The following EVA1A variants were observed in gnomAD, a reference collection of about 807,000 sequenced individuals.
EVA1A encodes protein eva-1 homolog A.
EVA1A carries 7 observed loss-of-function variants against 9.8 expected under a neutral mutation model. That is an observed-to-expected ratio of 0.71 (90% CI 0.41 to 1.34). The LOEUF (loss-of-function observed/expected upper bound fraction) is 1.34, where lower values mean the gene tolerates loss of function less well. Ranked by LOEUF, EVA1A falls within the 40% of genes most tolerant of loss-of-function variation. EVA1A has a pLI of 0.01. For synonymous variants in EVA1A, 90 were observed against 85.6 expected, an observed-to-expected ratio of 1.05 and a Z score of -0.28; for missense variants, 206 against 205.9, an observed-to-expected ratio of 1.00 and a Z score of 0.00.
chr2:75,556,917 C>A (rs1284880564), intron 1 of EVA1A, among the ~76,000 whole-genome samples: 2 of 152,186 alleles, frequency 1.3e-5, no homozygotes, highest in Non-Finnish European at 2.9e-5. Context: ...GGCCAGGGAC[C>A]AGCCAAGGGG....
intron 1 of EVA1A, among the ~76,000 whole-genome samples, chr2:75,533,957 G>A (rs1440830595): frequency 3.3e-5 from 5 of 151,694 alleles, no homozygotes; most frequent in Admixed American, 6.6e-5. Flanking sequence ...GACTACAGGC[G>A]CCCGCCACCA....
chr2:75,493,903 CG>C (rs1674115142), intron 3 of EVA1A, among the ~76,000 whole-genome samples: 1 of 152,214 alleles, frequency 6.6e-6, no homozygotes, highest in South Asian at 2.1e-4. Context: ...ACCTACTGTA[CG>C]CAAGCAGCCG....
In EVA1A at chr2:75,492,899, A is replaced by C; in HGVS notation, c.*337T>G. 3.5e-6 allele frequency: 1 copy of C among 282,410 alleles called. No homozygotes were observed. Among genetic ancestry groups the C allele is most frequent in the Non-Finnish European group, 6.6e-6 (1 of 150,822 alleles). 17.5% of individuals were successfully genotyped at this position (282,410 alleles called of 1,614,324 possible). On this transcript the variant is annotated 3_prime_UTR_variant, in exon 4 of 4. Coordinates refer to ENST00000393913, the MANE Select transcript of EVA1A (RefSeq NM_001135032.2). ...TAATGATCTTTCCTTTTGCAAAGGA[A>C]TAACACAGAGCAAGGAAGTCTGCTG...
At chr2:75,541,649 G>C (rs1171563942) in intron 1 of EVA1A, 1 of 152,770 alleles carries the variant, frequency 6.5e-6, no homozygotes, top group East Asian at 1.9e-4. Flanking sequence ...TGGGGGAGGA[G>C]TCTCCACTTG....
intron 1 of EVA1A, among the ~76,000 whole-genome samples, chr2:75,532,379 A>C (rs1048786983): frequency 6.6e-6 from 1 of 152,154 alleles, no homozygotes; most frequent in Non-Finnish European, 1.5e-5. Flanking sequence ...TCTGGTAATT[A>C]AAAGAAAAGG....
At chr2:75,557,386 AC>A (rs1300612131) in intron 1 of EVA1A, among the ~76,000 whole-genome samples, 2 of 152,180 alleles carry the variant, frequency 1.3e-5, no homozygotes, top group East Asian at 1.9e-4. Flanking sequence ...CTTCTCCAAC[AC>A]CCCATATGGG....
chr2:75,540,561 A>G (rs11900698), intron 1 of EVA1A, among the ~76,000 whole-genome samples: 21,987 of 152,248 alleles, frequency 0.14, 1,677 homozygotes, highest in African/African-American at 0.18. Context: ...ACACTGGGGT[A>G]AGCTTGCACA....
chr2:75,541,558 C>A (rs1676119054), intron 1 of EVA1A, among the ~76,000 whole-genome samples: 1 of 152,148 alleles, frequency 6.6e-6, no homozygotes, highest in South Asian at 2.1e-4. Context: ...GTCTGGGCAT[C>A]AAGGTGGGCT....
At chr2:75,515,319 G>C (rs1334793703) in intron 3 of EVA1A, among the ~76,000 whole-genome samples, 1 of 152,210 alleles carries the variant, frequency 6.6e-6, no homozygotes, top group Non-Finnish European at 1.5e-5. Context: ...TTGTTGTGAA[G>C]AATGGGCACA....
chr2:75,528,828 G>T (rs1359467224), intron 1 of EVA1A, among the ~76,000 whole-genome samples: 1 of 152,160 alleles, frequency 6.6e-6, no homozygotes, highest in African/African-American at 2.4e-5. Context: ...TCTCTTGAAA[G>T]CTCCTGGCTG....
chr2:75,548,748 C>T (rs566494527), intron 1 of EVA1A, among the ~76,000 whole-genome samples: 1 of 152,126 alleles, frequency 6.6e-6, no homozygotes, highest in South Asian at 2.1e-4. Flanking sequence ...CTAAACCTCT[C>T]TCATTCCCTC....
chr2:75,498,816 T>TA (rs1491286690), intron 3 of EVA1A, among the ~76,000 whole-genome samples: 1 of 140,432 alleles, frequency 7.1e-6, no homozygotes, highest in East Asian at 2.0e-4. Context: ...TTTTTTTTTT[T>TA]AAAAAGATGG....
At chr2:75,514,189 C>G (rs952542219) in intron 3 of EVA1A, among the ~76,000 whole-genome samples, 1 of 152,084 alleles carries the variant, frequency 6.6e-6, no homozygotes, top group African/African-American at 2.4e-5. Context: ...AAAGTGGACG[C>G]CATACATTTT....
At chr2:75,498,957 A>T (rs1440530055) in intron 3 of EVA1A, among the ~76,000 whole-genome samples, 1 of 152,146 alleles carries the variant, frequency 6.6e-6, no homozygotes, top group Non-Finnish European at 1.5e-5. Context: ...CAGCCCATGA[A>T]CTCCACACCA....
intron 1 of EVA1A, among the ~76,000 whole-genome samples, chr2:75,557,531 T>G (rs1676758616): frequency 6.6e-6 from 1 of 152,224 alleles, no homozygotes; most frequent in African/African-American, 2.4e-5. Flanking sequence ...CATCCATCCC[T>G]CATGCATCAA....
chr2:75,553,417 G>A (rs1010130585), intron 1 of EVA1A, among the ~76,000 whole-genome samples: 1 of 152,240 alleles, frequency 6.6e-6, no homozygotes, highest in African/African-American at 2.4e-5. Flanking sequence ...AGAACTTACT[G>A]TAATGAGAGA....
chr2:75,542,878 C>T (rs796643703), intron 1 of EVA1A, among the ~76,000 whole-genome samples: 26 of 152,092 alleles, frequency 1.7e-4, no homozygotes, highest in African/African-American at 6.3e-4. Flanking sequence ...TATTGTGACT[C>T]CAGGGTAATA....
At chr2:75,495,545 A>G (rs142681495) in intron 3 of EVA1A, among the ~76,000 whole-genome samples, 50 of 152,274 alleles carry the variant, frequency 3.3e-4, no homozygotes, top group African/African-American at 1.2e-3. Flanking sequence ...ACTTATTAGG[A>G]TTCTTTTCAA....
chr2:75,509,440 A>AT (rs1184139996), intron 3 of EVA1A, among the ~76,000 whole-genome samples: 1 of 152,112 alleles, frequency 6.6e-6, no homozygotes, highest in Non-Finnish European at 1.5e-5. Context: ...TGTTATTAAA[A>AT]TTTTTTATTT....
Sources: gnomAD v4.1 joint callset for allele counts (sites outside exome capture counted in the v4.1 genomes callset) on GRCh38, gnomAD v4.1.1 for gene constraint, MANE v1.5 for transcripts, NCBI Gene and HGNC (gene_info 2026-07-23, HGNC 2026-07-21) for gene names.